PCDHA13: variants seen among roughly 807,000 people sequenced by gnomAD.
PCDHA13 encodes the protein protocadherin alpha-13.
PCDHA13 carries 54 observed loss-of-function variants against 64.8 expected under a neutral mutation model. The ratio of observed to expected loss-of-function variants is 0.83; its 90% CI spans 0.67 to 1.04. The LOEUF (loss-of-function observed/expected upper bound fraction) is 1.04. PCDHA13 is among the 50% of genes least tolerant of loss of function. The pLI is 0.00. For missense variants in PCDHA13, 1,248 were observed against 1,254.3 expected, an observed-to-expected ratio of 0.99 and a Z score of 0.08; for synonymous variants, 587 against 564.4, an observed-to-expected ratio of 1.04 and a Z score of -0.57.
Position 140,899,097 on chromosome 5 carries a change from T to C in PCDHA13, c.2394+14435T>C, listed in dbSNP as rs1160754058. Among the ~76,000 whole-genome samples the C allele has an allele frequency of 9.8e-3, 1,481 of 151,828 alleles. 12 individuals carry two copies. The highest frequency in any genetic ancestry group is 0.026 in the African/African-American group (1,065 of 41,212). ...AGCTTAAGGAGATTTTGGGCTGAGATAATGGGGTTTTCTAGATATACAATC... is the reference window on the plus strand; with the variant it reads ...AGCTTAAGGAGATTTTGGGCTGAGACAATGGGGTTTTCTAGATATACAATC... On this transcript the variant is annotated intron_variant, in intron 1 of 3. Transcript: ENST00000289272.
At chr5:140,898,450 C>G (rs1276825221) in intron 1 of PCDHA13, among the ~76,000 whole-genome samples, 4 of 152,148 alleles carry the variant, frequency 2.6e-5, no homozygotes, top group Non-Finnish European at 4.4e-5. Flanking sequence ...ATAGGGAATC[C>G]TTTCCCCATT....
intron 1 of PCDHA13, among the ~76,000 whole-genome samples, chr5:140,932,192 TTC>T (rs2088100364): frequency 6.6e-6 from 1 of 151,968 alleles, no homozygotes. Context: ...GTCCATTTTT[TTC>T]TGTTAATATT....
intron 1 of PCDHA13, among the ~76,000 whole-genome samples, chr5:140,955,497 A>T (rs879951352): frequency 2.0e-5 from 3 of 152,100 alleles, no homozygotes; most frequent in Non-Finnish European, 4.4e-5. Flanking sequence ...CCACCATGTG[A>T]AGAAAGACGT....
Position 140,882,262 on chromosome 5 carries a change from G to GTGTA in PCDHA13, c.-6_-3dup, listed in dbSNP as rs781901698. On this transcript the variant is annotated 5_prime_UTR_variant, in exon 1 of 4. It adds an upstream start codon to the 5' untranslated region. Transcript: ENST00000289272. ...TGCAGATAGCTCTGAGGTTTTTGGAGTGTACCATGCTGTCTTCCTGGCAAG... is the reference window on the plus strand; with the variant it reads ...TGCAGATAGCTCTGAGGTTTTTGGAGTGTATGTACCATGCTGTCTTCCTGGCAAG... 1.2e-6 allele frequency: 2 copies of GTGTA among 1,605,126 alleles called. No homozygotes were observed. Among genetic ancestry groups the GTGTA allele is most frequent in the Non-Finnish European group, 1.7e-6 (2 of 1,174,746 alleles).
Position 140,883,616 on chromosome 5 carries a change from G to T in PCDHA13, c.1348G>T (p.Asp450Tyr), listed in dbSNP as rs781929949. The change falls in exon 1 of 4, where the codon GAC becomes TAC. Residue 450 changes from aspartate to tyrosine, a missense_variant. Coordinates refer to ENST00000289272, the MANE Select transcript of PCDHA13 (RefSeq NM_018904.3). The stretch of plus-strand genomic sequence containing the variant: ...GTCGGTGGGGGTGGCCGACGTGAAC[G>T]ACAACGCGCCGGCGTTCGCGCAGCC... ...SVSVGVADVN[D>Y]NAPAFAQPEY... 4.3e-5 allele frequency: 69 copies of T among 1,613,896 alleles called. No homozygotes were observed. The highest frequency in any genetic ancestry group is 5.7e-5 in the Non-Finnish European group (67 of 1,179,922).
intron 1 of PCDHA13, among the ~76,000 whole-genome samples, chr5:140,904,056 G>A (rs1474308111): frequency 6.6e-6 from 1 of 151,944 alleles, no homozygotes; most frequent in Non-Finnish European, 1.5e-5. Context: ...TATTTCAATG[G>A]GTTTTTGGGG....
intron 1 of PCDHA13, among the ~76,000 whole-genome samples, chr5:140,951,465 C>G (rs1304466995): frequency 1.3e-5 from 2 of 151,966 alleles, no homozygotes; most frequent in Non-Finnish European, 2.9e-5. Context: ...TGCTTGGCTT[C>G]TGGGGAGCCT....
intron 1 of PCDHA13, chr5:140,966,679 G>C (rs1554228549): frequency 8.3e-6 from 11 of 1,317,564 alleles, no homozygotes; most frequent in East Asian, 3.0e-5. Context: ...AGGGTGGCAC[G>C]AGCGGAGGCG....
chr5:140,985,416 G>A (rs1554247041), intron 3 of PCDHA13, among the ~76,000 whole-genome samples: 1 of 152,142 alleles, frequency 6.6e-6, no homozygotes, highest in Non-Finnish European at 1.5e-5. Flanking sequence ...GAAATGGAGT[G>A]AGGAGGATTT....
At chr5:140,969,670 T>C (rs1481481821) in intron 1 of PCDHA13, among the ~76,000 whole-genome samples, 1 of 152,192 alleles carries the variant, frequency 6.6e-6, no homozygotes, top group African/African-American at 2.4e-5. Context: ...AGTAATGTTA[T>C]GAGACTCAAG....
At chr5:140,897,130 C>A (rs913808184) in intron 1 of PCDHA13, among the ~76,000 whole-genome samples, 11 of 152,118 alleles carry the variant, frequency 7.2e-5, no homozygotes, top group Non-Finnish European at 5.9e-5. Flanking sequence ...CCCCACTAAA[C>A]TTTCTAGCCT....
chr5:140,908,757 C>G (rs550540742), intron 1 of PCDHA13, among the ~76,000 whole-genome samples: 1 of 152,248 alleles, frequency 6.6e-6, no homozygotes, highest in Non-Finnish European at 1.5e-5. Context: ...TGCACACAGC[C>G]TGGACGTGTT....
intron 1 of PCDHA13, among the ~76,000 whole-genome samples, chr5:140,906,949 A>G (rs1349850915): frequency 1.3e-5 from 2 of 152,144 alleles, no homozygotes; most frequent in Non-Finnish European, 2.9e-5. Flanking sequence ...CTTAATTTCC[A>G]GTTTAATGGA....
intron 3 of PCDHA13, among the ~76,000 whole-genome samples, chr5:140,993,152 C>A (rs932484139): frequency 2.6e-4 from 39 of 152,142 alleles, no homozygotes; most frequent in African/African-American, 9.2e-4. Context: ...TAAATGGATT[C>A]TAAATATTTG....
At chr5:140,975,671 T>C (rs923429904) in intron 1 of PCDHA13, among the ~76,000 whole-genome samples, 2 of 152,248 alleles carry the variant, frequency 1.3e-5, no homozygotes, top group Admixed American at 6.5e-5. Context: ...TGTGAGTTTA[T>C]TAATAAAATA....
intron 1 of PCDHA13, chr5:140,969,289 G>C: frequency 6.2e-7 from 1 of 1,614,208 alleles, no homozygotes; most frequent in Non-Finnish European, 8.5e-7. Context: ...AGAATGCTGG[G>C]AACCTGATTA....
At chr5:140,934,690 T>G (rs1263392505) in intron 1 of PCDHA13, among the ~76,000 whole-genome samples, 1 of 152,198 alleles carries the variant, frequency 6.6e-6, no homozygotes, top group Non-Finnish European at 1.5e-5. Flanking sequence ...AAACAATGAA[T>G]TGATTCCTGG....
intron 1 of PCDHA13, chr5:140,968,828 C>T (rs1404451202): frequency 6.2e-7 from 1 of 1,614,198 alleles, no homozygotes; most frequent in South Asian, 1.1e-5. Context: ...TTCCAAAATC[C>T]TCCCTGACAC....
chr5:140,999,265 A>G (rs1554256725), intron 3 of PCDHA13, among the ~76,000 whole-genome samples: 1 of 152,226 alleles, frequency 6.6e-6, no homozygotes, highest in African/African-American at 2.4e-5. Flanking sequence ...GTAAAGGAAT[A>G]CTGCATAGTA....
Sources: gnomAD v4.1 joint callset for allele counts (sites outside exome capture counted in the v4.1 genomes callset) on GRCh38, gnomAD v4.1.1 for gene constraint, MANE v1.5 for transcripts, NCBI Gene and HGNC (gene_info 2026-07-23, HGNC 2026-07-21) for gene names.